NELFA: variants seen among roughly 807,000 people sequenced by gnomAD.
NELFA encodes negative elongation factor A.
In NELFA, 35 loss-of-function variants were observed where a neutral mutation model predicts 51.8. That is an observed-to-expected ratio of 0.68 (90% CI 0.52 to 0.90). The LOEUF is 0.90. NELFA is among the 40% of genes least tolerant of loss of function. NELFA has a pLI of 0.00. For synonymous variants in NELFA, 417 were observed against 338.4 expected (o/e 1.23, Z -2.55); for missense variants, 658 against 746.4 (o/e 0.88, Z 1.38).
intron 1 of NELFA, among the ~76,000 whole-genome samples, chr4:1,998,582 C>T (rs1728492426): frequency 6.6e-6 from 1 of 152,068 alleles, no homozygotes. Flanking sequence ...TGAAATAAGA[C>T]ATGCAGACAA....
At chr4:2,000,094 A>T (rs1473869051) in intron 1 of NELFA, among the ~76,000 whole-genome samples, 1 of 152,214 alleles carries the variant, frequency 6.6e-6, no homozygotes, top group African/African-American at 2.4e-5. Flanking sequence ...GAGACAATGT[A>T]GCAGAATCTC....
Position 1,991,539 on chromosome 4 carries a change from C to T in NELFA, c.382+5G>A, listed in dbSNP as rs369622162. On this transcript the variant is annotated splice_donor_5th_base_variant and intron_variant, in intron 2 of 10. Transcript: ENST00000382882. ...CCCAACATGAATTAAAGCAGCACAA[C>T]ATACCCTTTTCTCTAAGTTCTCCCA... 1 of 1,613,858 alleles carries T rather than the reference C, an allele frequency of 6.2e-7. No individual in the cohort carries two copies. The highest frequency in any genetic ancestry group is 1.1e-5 in the South Asian group (1 of 91,074).
Position 1,989,774 on chromosome 4 carries a change from C to A in NELFA, c.478G>T (p.Val160Leu). ...TTCCGCTTTAACTGAAAATGCTTCA[C>A]CGGGGGAGTGAGGGGTCCCGCGAGG... is the stretch of plus-strand genomic sequence containing the variant. The part of the protein sequence containing the change: ...TTLAGPLTPP[V>L]KHFQLKRKPK... Residue 160 changes from valine to leucine, a missense_variant, in exon 3 of 11, where the codon GTG (valine) becomes TTG (leucine). By Grantham distance (32) the Val-to-Leu change is conservative. Transcript: ENST00000382882. The surrounding 1 kb of genome is among the most constrained non-coding windows in gnomAD (Gnocchi z 4.8). 1 of 1,614,190 alleles carries A rather than the reference C, an allele frequency of 6.2e-7. No homozygotes were observed. Among genetic ancestry groups the A allele is most frequent in the Non-Finnish European group, 8.5e-7 (1 of 1,180,044 alleles).
chr4:1,993,203 AG>A (rs1728327092), intron 1 of NELFA, among the ~76,000 whole-genome samples: 1 of 152,252 alleles, frequency 6.6e-6, no homozygotes, highest in African/African-American at 2.4e-5. Context: ...TAAAACAAAA[AG>A]GACCACTGTT....
At chr4:2,008,662 G>A (rs1449059963) in intron 1 of NELFA, 88 bp downstream of exon 1, 7 of 1,473,008 alleles carry the variant, frequency 4.8e-6, no homozygotes, top group Non-Finnish European at 6.4e-6. Context: ...GTTGGGGGAG[G>A]GAGCGAGGAG....
chr4:2,005,690 C>T (rs1476082471), intron 1 of NELFA, among the ~76,000 whole-genome samples: 1 of 151,934 alleles, frequency 6.6e-6, no homozygotes, highest in Non-Finnish European at 1.5e-5. Flanking sequence ...AGATCTCCGT[C>T]TAAAAAACAA....
chr4:1,985,631 A>G, intron 7 of NELFA, 145 bp downstream of exon 7: 1 of 643,714 alleles, frequency 1.6e-6, no homozygotes, highest in Non-Finnish European at 2.6e-6. Flanking sequence ...TCTCATGTAC[A>G]TATACGTATA....
At position 1,984,891 on chromosome 4, in the gene NELFA, G is replaced by A. The variant is rs868120810; in HGVS notation, c.953C>T (p.Ala318Val). The change falls in exon 8 of 11, where the codon GCG (alanine) becomes GTG (valine). Residue 318 changes from alanine (A) to valine (V), a missense_variant. By Grantham distance (64) the Ala-to-Val change is moderately conservative (BLOSUM62 0). Coordinates refer to ENST00000382882, the MANE Select transcript of NELFA (RefSeq NM_005663.5). ...QKLGSLNNEP[A>V]LPSTSYLPST... is the part of the protein sequence containing the mutation. ...GGGAAGGTAGCTCGTGGAGGGCAGC[G>A]CAGGCTCATTGTTCAGGGACCCAAG... 10 of 1,577,790 alleles carry A rather than the reference G, an allele frequency of 6.3e-6. No homozygotes were observed. The highest frequency in any genetic ancestry group is 2.7e-5 in the African/African-American group (2 of 74,404).
chr4:2,008,536 G>A (rs1234679362), intron 1 of NELFA, among the ~76,000 whole-genome samples: 1 of 147,532 alleles, frequency 6.8e-6, no homozygotes, highest in Non-Finnish European at 1.5e-5. Flanking sequence ...GATGAGGATC[G>A]AGGCGGGGGA....
intron 1 of NELFA, among the ~76,000 whole-genome samples, chr4:2,001,714 C>A (rs770457284): frequency 1.3e-5 from 2 of 151,732 alleles, no homozygotes; most frequent in African/African-American, 4.8e-5. Flanking sequence ...ACCAGCCTGG[C>A]CAACGTGGTT....
chr4:1,998,734 T>C (rs1560879083), intron 1 of NELFA, among the ~76,000 whole-genome samples: 1 of 152,088 alleles, frequency 6.6e-6, no homozygotes, highest in Non-Finnish European at 1.5e-5. Flanking sequence ...CACTTAAGGA[T>C]ATTATCCAGA....
At chr4:2,002,680 A>T (rs2109067646) in intron 1 of NELFA, among the ~76,000 whole-genome samples, 1 of 152,364 alleles carries the variant, frequency 6.6e-6, no homozygotes, top group South Asian at 2.1e-4. Context: ...GGCTAGCCAT[A>T]TGTAGAAAAC....
At chr4:1,983,556 C>G (rs1727968023) in intron 10 of NELFA, 40 bp downstream of exon 10, 4 of 1,612,214 alleles carry the variant, frequency 2.5e-6, no homozygotes, top group East Asian at 2.2e-5. Context: ...CGCCCCCAAC[C>G]CGGCCCGGTG....
intron 1 of NELFA, among the ~76,000 whole-genome samples, chr4:1,996,835 G>T (rs1728439572): frequency 6.6e-6 from 1 of 152,226 alleles, no homozygotes; most frequent in Non-Finnish European, 1.5e-5. Context: ...AGAAGGCTGA[G>T]GCACGATAAT....
At chr4:1,992,564 GAAC>G (rs1392099383) in intron 1 of NELFA, 6 of 330,948 alleles carry the variant, frequency 1.8e-5, no homozygotes, top group Middle Eastern at 3.9e-4. Flanking sequence ...CGCTGGGGGT[GAAC>G]AACAGCGCCC....
chr4:2,008,276 AAGGCGGGGG>A (rs1417176335), intron 1 of NELFA, among the ~76,000 whole-genome samples: 2 of 150,606 alleles, frequency 1.3e-5, no homozygotes, highest in Non-Finnish European at 3.0e-5. Context: ...GTGAGGACCG[AAGGCGGGGG>A]AGGCGGGGGC....
chr4:1,986,559 T>C, intron 4 of NELFA, 157 bp from the exon 5 acceptor site: 3 of 1,225,414 alleles, frequency 2.4e-6, no homozygotes, highest in Non-Finnish European at 3.4e-6. Flanking sequence ...ATCCCGGACC[T>C]CAAGGAGCAG....
rs1038710470 is a variant in NELFA, at chr4:1,983,643, G to C, written c.1355C>G (p.Thr452Arg). The C allele has an allele frequency of 6.2e-7, 1 of 1,614,092 alleles. No individual in the cohort carries two copies. The highest frequency in any genetic ancestry group is 8.5e-7 in the Non-Finnish European group (1 of 1,179,980). Reference sequence around the variant, plus strand: ...CAGGATGAGGGCCTTCTCGGGCCGCGTGACTTTGTTGGCCGTCTTGAACAT... The same window carrying C: ...CAGGATGAGGGCCTTCTCGGGCCGCCTGACTTTGTTGGCCGTCTTGAACAT... ...QEMFKTANKV[T>R]RPEKALILGF... Residue 452 changes from threonine to arginine, a missense_variant, in exon 10 of 11, where the codon ACG (threonine) becomes AGG (arginine). Thr to Arg is a moderately conservative substitution (Grantham distance 71). Around this residue, in one of 3 missense-constraint regions of NELFA, gnomAD observed 87 missense variants for 130.2 expected, o/e 0.67. Transcript: ENST00000382882.
chr4:2,004,599 C>T (rs1439535097), intron 1 of NELFA, among the ~76,000 whole-genome samples: 3 of 151,518 alleles, frequency 2.0e-5, no homozygotes, highest in Non-Finnish European at 2.9e-5. Context: ...GTGATCCTCT[C>T]GCCACAGCCT....
Sources: gnomAD v4.1 joint callset for allele counts (sites outside exome capture counted in the v4.1 genomes callset) on GRCh38, gnomAD v4.1.1 for gene constraint, gnomAD v4.1.1 regional missense constraint, Gnocchi (gnomAD v3.1) non-coding constraint, MANE v1.5 for transcripts, NCBI Gene and HGNC (gene_info 2026-07-23, HGNC 2026-07-21) for gene names.